COX10: variants seen among roughly 807,000 people sequenced by gnomAD.
The protein encoded by COX10 is cytochrome c oxidase assembly factor heme A:farnesyltransferase COX10.
In COX10, 27 loss-of-function variants were observed where a neutral mutation model predicts 37.3. The observed-to-expected ratio is 0.72, with a 90% CI of 0.53 to 1.00. The LOEUF is 1.00. COX10 is among the 50% of genes least tolerant of loss of function. The pLI is 0.00. For missense variants in COX10, 475 were observed against 563.2 expected, an observed-to-expected ratio of 0.84 and a Z score of 1.59; for synonymous variants, 222 against 229.1, an observed-to-expected ratio of 0.97 and a Z score of 0.28.
chr17:14,203,277 A>G (rs1459061090), intron 6 of COX10, among the ~76,000 whole-genome samples: 1 of 151,994 alleles, frequency 6.6e-6, no homozygotes, highest in Admixed American at 6.6e-5. Context: ...TTAAAAATGA[A>G]TTTGGGGGAT....
chr17:14,170,813 T>A (rs1289858094), intron 5 of COX10, among the ~76,000 whole-genome samples: 1 of 152,098 alleles, frequency 6.6e-6, no homozygotes, highest in Non-Finnish European at 1.5e-5. Context: ...TGAAATCCTG[T>A]CTCAGAGAAA....
chr17:14,194,123 G>A (rs1256010880), intron 6 of COX10, among the ~76,000 whole-genome samples: 2 of 152,076 alleles, frequency 1.3e-5, no homozygotes, highest in Admixed American at 1.3e-4. Context: ...CAGCCTTAGG[G>A]ACAGGTAGTA....
At position 14,106,466 on chromosome 17, in the gene COX10, T is replaced by C. The variant is rs562858943; in HGVS notation, c.624+4224T>C. On this transcript the variant is annotated intron_variant, in intron 4 of 6. Transcript: ENST00000261643. ...TTTAGCTAAATCTTTGCATATATCC[T>C]TATTTATTTCGATAGTTTTCTAAAA... is the stretch of plus-strand genomic sequence containing the variant. Among the ~76,000 whole-genome samples the C allele has an allele frequency of 1.1e-3, 170 of 152,350 alleles. 1 individual carries two copies. The highest frequency in any genetic ancestry group is 3.8e-3 in the African/African-American group (159 of 41,592).
At chr17:14,102,306 A>G in intron 4 of COX10, 64 bp downstream of exon 4, 2 of 1,585,990 alleles carry the variant, frequency 1.3e-6, no homozygotes, top group Non-Finnish European at 8.6e-7. Flanking sequence ...CTGTATTGTC[A>G]TATTTTTAAA....
At chr17:14,103,324 T>C (rs568364035) in intron 4 of COX10, among the ~76,000 whole-genome samples, 7 of 152,272 alleles carry the variant, frequency 4.6e-5, no homozygotes, top group African/African-American at 1.7e-4. Flanking sequence ...AAAAGCAATA[T>C]AAGCCAAATT....
intron 4 of COX10, among the ~76,000 whole-genome samples, chr17:14,138,470 C>G (rs1318706308): frequency 6.6e-6 from 1 of 152,082 alleles, no homozygotes; most frequent in Non-Finnish European, 1.5e-5. Flanking sequence ...TAGTATCCTC[C>G]TAATGGCAAC....
intron 5 of COX10, among the ~76,000 whole-genome samples, chr17:14,179,868 G>C (rs1270845936): frequency 6.6e-6 from 1 of 151,574 alleles, no homozygotes; most frequent in Non-Finnish European, 1.5e-5. Context: ...TAAGAGCAGA[G>C]CAAAAGGTTA....
At chr17:14,149,078 A>G (rs1431457263) in intron 4 of COX10, among the ~76,000 whole-genome samples, 1 of 150,798 alleles carries the variant, frequency 6.6e-6, no homozygotes, top group East Asian at 1.9e-4. Context: ...AAGGAAGCAC[A>G]AACGTTATAA....
At chr17:14,137,185 A>G (rs879480719) in intron 4 of COX10, among the ~76,000 whole-genome samples, 2 of 151,866 alleles carry the variant, frequency 1.3e-5, no homozygotes, top group African/African-American at 4.8e-5. Flanking sequence ...TCTTAAAAAC[A>G]TGTTTTCTTC....
intron 5 of COX10, among the ~76,000 whole-genome samples, chr17:14,188,105 T>C (rs868787913): frequency 6.6e-5 from 9 of 135,498 alleles, no homozygotes; most frequent in Non-Finnish European, 1.0e-4. Context: ...TCTTCTTCTT[T>C]TTTTTTTTTT....
In COX10 at chr17:14,074,623, C is replaced by T. The variant is rs114096923; in HGVS notation, c.177+167C>T. 0.02 allele frequency among the ~76,000 whole-genome samples: 2,968 copies of T among 152,078 alleles called. 106 individuals carry two copies. Among genetic ancestry groups the T allele is most frequent in the African/African-American group, 0.066 (2,739 of 41,472 alleles). On this transcript the variant is annotated intron_variant, in intron 2 of 6. Coordinates refer to ENST00000261643, the MANE Select transcript of COX10 (RefSeq NM_001303.4). ...ATGTCTTGTTTTGATTATTCTTAAC[C>T]GAAACCAGAATAATTCTGGTGTTTG...
At chr17:14,097,981 C>G (rs1055613019) in intron 3 of COX10, among the ~76,000 whole-genome samples, 2 of 152,082 alleles carry the variant, frequency 1.3e-5, no homozygotes, top group Non-Finnish European at 2.9e-5. Context: ...AAAAAAAAGT[C>G]TGTACATACT....
At chr17:14,121,501 AG>A (rs1360692419) in intron 4 of COX10, among the ~76,000 whole-genome samples, 4 of 152,152 alleles carry the variant, frequency 2.6e-5, no homozygotes, top group Non-Finnish European at 5.9e-5. Flanking sequence ...CACGATGGCT[AG>A]GGACACAGAG....
At chr17:14,076,111 CT>C (rs376434284) in intron 2 of COX10, among the ~76,000 whole-genome samples, 35 of 103,264 alleles carry the variant, frequency 3.4e-4, no homozygotes, top group Admixed American at 8.1e-4. Context: ...TCTTTTTTGT[CT>C]TTTTTTTTTT....
At chr17:14,163,484 G>A (rs1869526370) in intron 5 of COX10, among the ~76,000 whole-genome samples, 1 of 152,076 alleles carries the variant, frequency 6.6e-6, no homozygotes, top group African/African-American at 2.4e-5. Context: ...TTGAACTCCT[G>A]ACCTCAAGTG....
At chr17:14,161,670 A>T (rs1351697077) in intron 5 of COX10, among the ~76,000 whole-genome samples, 1 of 152,194 alleles carries the variant, frequency 6.6e-6, no homozygotes, top group Non-Finnish European at 1.5e-5. Context: ...GTGAATTGGT[A>T]TCTCTCTAAG....
chr17:14,134,339 T>C (rs1455397089), intron 4 of COX10, among the ~76,000 whole-genome samples: 1 of 151,894 alleles, frequency 6.6e-6, no homozygotes, highest in Non-Finnish European at 1.5e-5. Context: ...TACAAAGTTA[T>C]CTTTTCTATC....
chr17:14,069,549 G>C lies in COX10; in HGVS notation c.-57G>C. Reference sequence around the variant, plus strand: ...GGGAAGGAAGATGGCGGCGCCCAGCGTCCCGTGAGGAGAGAGGACACAGGG... The same window carrying C: ...GGGAAGGAAGATGGCGGCGCCCAGCCTCCCGTGAGGAGAGAGGACACAGGG... On this transcript the variant is annotated 5_prime_UTR_variant, in exon 1 of 7. Transcript: ENST00000261643. The C allele has an allele frequency of 1.2e-6, 2 of 1,604,160 alleles. No individual in the cohort carries two copies. Among genetic ancestry groups the C allele is most frequent in the Non-Finnish European group, 8.5e-7 (1 of 1,172,888 alleles).
At chr17:14,173,332 G>A (rs1266109553) in intron 5 of COX10, among the ~76,000 whole-genome samples, 6 of 152,244 alleles carry the variant, frequency 3.9e-5, no homozygotes, top group Admixed American at 1.3e-4. Flanking sequence ...GGAATACATG[G>A]CATCTGCTGC....
Sources: gnomAD v4.1 joint callset for allele counts (sites outside exome capture counted in the v4.1 genomes callset) on GRCh38, gnomAD v4.1.1 for gene constraint, MANE v1.5 for transcripts, NCBI Gene and HGNC (gene_info 2026-07-23, HGNC 2026-07-21) for gene names.